Variants in MPRIP observed in about 807,000 individuals in gnomAD.
MPRIP encodes myosin phosphatase Rho interacting protein, also known as myosin phosphatase Rho-interacting protein.
MPRIP carries 59 observed loss-of-function variants against 234.9 expected under a neutral mutation model. That is an observed-to-expected ratio of 0.25 (90% CI 0.20 to 0.31). MPRIP has a LOEUF of 0.31. MPRIP is among the 10% of genes least tolerant of loss of function. The probability of loss-of-function intolerance (pLI) is 1.00; values close to 1 mark genes in which losing one functional copy is unlikely to be tolerated. For missense variants in MPRIP, 2,436 were observed against 3,071.0 expected (o/e 0.79, Z 4.89); for synonymous variants, 1,144 against 1,263.9 (o/e 0.91, Z 2.01).
chr17:17,072,927 A>C (rs761856789), intron 1 of MPRIP, among the ~76,000 whole-genome samples: 2 of 152,020 alleles, frequency 1.3e-5, no homozygotes, highest in East Asian at 3.9e-4. Context: ...TTTTTTTAAT[A>C]GCTTTATTAA....
intron 3 of MPRIP, among the ~76,000 whole-genome samples, chr17:17,084,767 CTG>C (rs1435687538): frequency 6.6e-6 from 1 of 152,222 alleles, no homozygotes; most frequent in Non-Finnish European, 1.5e-5. Context: ...AGTAGCTGAC[CTG>C]TGTCTTTATT....
chr17:17,151,656 T>C (rs989979242), intron 12 of MPRIP, among the ~76,000 whole-genome samples: 55 of 152,364 alleles, frequency 3.6e-4, no homozygotes, highest in Admixed American at 5.9e-4. Context: ...TGAGTTGTCT[T>C]GTCAGCATGA....
intron 3 of MPRIP, among the ~76,000 whole-genome samples, chr17:17,114,204 T>C (rs1944556940): frequency 1.3e-5 from 2 of 152,192 alleles, no homozygotes; most frequent in Admixed American, 1.3e-4. Flanking sequence ...CAGGCACCTT[T>C]TTATGTGTGT....
chr17:17,166,937 T>C lies in MPRIP; in HGVS notation c.5346T>C (p.Leu1782=). The C allele has an allele frequency of 1.5e-6, 2 of 1,304,192 alleles. No homozygotes were observed. The highest frequency in any genetic ancestry group is 2.0e-6 in the Non-Finnish European group (2 of 988,930). The allele number at this position is 1,304,192 out of a possible 1,614,324, so 80.8% of individuals were successfully genotyped here. Residue 1782 remains leucine (L), a synonymous_variant, in exon 16 of 24, where the codon CTT becomes CTC. Coordinates refer to ENST00000651222, the MANE Select transcript of MPRIP (RefSeq NM_001364716.4). This position sits in a 1 kb window ranked among gnomAD's most constrained non-coding sequence, Gnocchi z 4.4. ...PGAFVAIQEE[L]AQQLKEKASL... Reference sequence around the variant, plus strand: ...CCTTTGTTGCTATTCAGGAGGAGCTTGCCCAGCAGCTGAAGGAGAAGGCCA... The same window carrying C: ...CCTTTGTTGCTATTCAGGAGGAGCTCGCCCAGCAGCTGAAGGAGAAGGCCA...
At chr17:17,153,065 C>T (rs1419604726) in intron 12 of MPRIP, among the ~76,000 whole-genome samples, 1 of 152,176 alleles carries the variant, frequency 6.6e-6, no homozygotes, top group East Asian at 1.9e-4. Context: ...AACGCCCACA[C>T]CTGGGGGTGG....
At position 17,164,278 on chromosome 17, in the gene MPRIP, A is replaced by T; in HGVS notation, c.2687A>T (p.Glu896Val). 7.7e-7 allele frequency: 1 copy of T among 1,304,258 alleles called. No homozygotes were observed. The highest frequency in any genetic ancestry group is 1.5e-5 in the African/African-American group (1 of 66,008). The allele number at this position is 1,304,258 out of a possible 1,614,324, so 80.8% of individuals were successfully genotyped here. A position where few individuals can be genotyped will look rare whatever the true frequency, so the allele number is the denominator to read the frequency against. Residue 896 changes from glutamate to valine, a missense_variant, in exon 16 of 24, where the codon GAG becomes GTG. Physicochemically the swap from Glu to Val is moderately radical, Grantham distance 121. Around this residue, in one of 4 missense-constraint regions of MPRIP, gnomAD observed 1,998 missense variants for 2,520.3 expected, o/e 0.79. Coordinates refer to ENST00000651222, the MANE Select transcript of MPRIP (RefSeq NM_001364716.4). ...GCCAAGGACACGATCCGGCACCACGAGGCTGAGATCCGGAGCCTTCAGGCA... is the reference window on the plus strand; with the variant it reads ...GCCAAGGACACGATCCGGCACCACGTGGCTGAGATCCGGAGCCTTCAGGCA... ...GEAKDTIRHH[E>V]AEIRSLQARL...
At chr17:17,117,678 G>A (rs938423015) in intron 3 of MPRIP, among the ~76,000 whole-genome samples, 4 of 152,192 alleles carry the variant, frequency 2.6e-5, no homozygotes, top group African/African-American at 7.2e-5. Flanking sequence ...GATATGATTT[G>A]TGTATATGTT....
intron 3 of MPRIP, among the ~76,000 whole-genome samples, chr17:17,103,020 G>A (rs1474449635): frequency 6.6e-6 from 1 of 152,190 alleles, no homozygotes; most frequent in Non-Finnish European, 1.5e-5. Flanking sequence ...TGAGAGTGCT[G>A]GGGGTTGGAA....
intron 14 of MPRIP, among the ~76,000 whole-genome samples, chr17:17,160,641 A>G (rs951872147): frequency 1.3e-5 from 2 of 152,248 alleles, no homozygotes; most frequent in African/African-American, 4.8e-5. Context: ...GTTTGAGGGA[A>G]CTGCGGGAAC....
intron 1 of MPRIP, among the ~76,000 whole-genome samples, chr17:17,073,260 C>T (rs982197416): frequency 2.0e-5 from 3 of 152,162 alleles, no homozygotes; most frequent in African/African-American, 7.2e-5. Flanking sequence ...CCACCTGCAT[C>T]AGTCCCCTCT....
intron 7 of MPRIP, among the ~76,000 whole-genome samples, chr17:17,139,703 A>T (rs1046389335): frequency 6.6e-6 from 1 of 152,124 alleles, no homozygotes; most frequent in Admixed American, 6.5e-5. Flanking sequence ...ACTCTTCCAA[A>T]CGTCCCAGAT....
rs899308965 is a variant in MPRIP, at chr17:17,190,366, A to T, written c.*5472A>T. The T allele has an allele frequency of 6.6e-6, 1 of 152,104 alleles. No individual in the cohort carries two copies. Among genetic ancestry groups the T allele is most frequent in the Non-Finnish European group, 1.5e-5 (1 of 68,030 alleles). 9.4% of individuals were successfully genotyped at this position (152,104 alleles called of 1,614,324 possible). A position where few individuals can be genotyped will look rare whatever the true frequency, so the allele number is the denominator to read the frequency against. On this transcript the variant is annotated 3_prime_UTR_variant, in exon 24 of 24. Transcript: ENST00000651222. ...CCCCTTAGAGGGGGCTCTTCGTTTTACCTTTGTACAGTTCTTGTGTTTACA... is the reference window on the plus strand; with the variant it reads ...CCCCTTAGAGGGGGCTCTTCGTTTTTCCTTTGTACAGTTCTTGTGTTTACA...
intron 1 of MPRIP, among the ~76,000 whole-genome samples, chr17:17,062,186 G>A (rs1008270950): frequency 6.6e-5 from 10 of 151,994 alleles, no homozygotes; most frequent in Admixed American, 4.6e-4. Flanking sequence ...AGAGTGTAGG[G>A]GTTCCCTAAC....
At chr17:17,170,857 T>C (rs1027286501) in intron 16 of MPRIP, 1 of 152,162 alleles carries the variant, frequency 6.6e-6, no homozygotes, top group Non-Finnish European at 1.5e-5. Context: ...TGAGCACAGC[T>C]CTGATAACCA....
At chr17:17,127,967 C>T (rs1371071313) in intron 4 of MPRIP, among the ~76,000 whole-genome samples, 3 of 152,136 alleles carry the variant, frequency 2.0e-5, no homozygotes, top group Admixed American at 2.0e-4. Flanking sequence ...TGGAGAGAGG[C>T]AGGTTTGCAT....
intron 3 of MPRIP, among the ~76,000 whole-genome samples, chr17:17,100,011 C>T (rs2089926993): frequency 6.6e-6 from 1 of 152,178 alleles, no homozygotes; most frequent in Admixed American, 6.5e-5. Flanking sequence ...GACACTTATC[C>T]TTGTGTGGTG....
chr17:17,082,220 A>G (rs940010841), intron 3 of MPRIP, among the ~76,000 whole-genome samples: 1 of 151,096 alleles, frequency 6.6e-6, no homozygotes, highest in Admixed American at 6.6e-5. Context: ...AGGCCAGGCC[A>G]TGAGGCTTTG....
chr17:17,101,306 C>G, intron 3 of MPRIP, among the ~76,000 whole-genome samples: 1 of 152,244 alleles, frequency 6.6e-6, no homozygotes, highest in East Asian at 1.9e-4. Flanking sequence ...TGGCCCACAC[C>G]TGTAATCCCA....
At chr17:17,044,080 GGGCAGGGGTTAC>G (rs1325272424) in intron 1 of MPRIP, among the ~76,000 whole-genome samples, 1 of 152,174 alleles carries the variant, frequency 6.6e-6, no homozygotes, top group African/African-American at 2.4e-5. Context: ...TAGGGTGGTG[GGGCAGGGGTTAC>G]GGCCTGGGGC....
Sources: allele counts gnomAD v4.1 joint callset (sites outside exome capture counted in the v4.1 genomes callset), GRCh38; gene constraint gnomAD v4.1.1; regional missense constraint gnomAD v4.1.1; non-coding constraint Gnocchi (gnomAD v3.1); transcripts MANE v1.5; gene names NCBI Gene and HGNC (gene_info 2026-07-23, HGNC 2026-07-21).